Variants in ENPP2 observed in about 807,000 individuals in gnomAD.
The protein encoded by ENPP2 is autotaxin.
ENPP2 carries 51 observed loss-of-function variants against 120.2 expected under a neutral mutation model. That is an observed-to-expected ratio of 0.42 (90% CI 0.34 to 0.54). The LOEUF is 0.54. Among genes scored for constraint, ENPP2 ranks in the 20% least tolerant of loss-of-function variants. ENPP2 has a pLI of 0.04. For missense variants in ENPP2, 920 were observed against 1,066.5 expected (o/e 0.86, Z 1.91); for synonymous variants, 365 against 366.4 (o/e 1.00, Z 0.04).
At chr8:119,560,014 T>A (rs1275110456) in intron 24 of ENPP2, among the ~76,000 whole-genome samples, 1 of 152,160 alleles carries the variant, frequency 6.6e-6, no homozygotes, top group Non-Finnish European at 1.5e-5. Flanking sequence ...TTCAGTGGAT[T>A]TCATTTATCA....
chr8:119,577,805 G>A (rs1005177389), intron 19 of ENPP2, among the ~76,000 whole-genome samples: 1 of 152,136 alleles, frequency 6.6e-6, no homozygotes, highest in Non-Finnish European at 1.5e-5. Flanking sequence ...TTCAACAAAT[G>A]CTTGCTGAAT....
At chr8:119,565,429 A>C (rs1012711077) in intron 22 of ENPP2, among the ~76,000 whole-genome samples, 3 of 152,182 alleles carry the variant, frequency 2.0e-5, no homozygotes, top group Non-Finnish European at 4.4e-5. Context: ...CAGACATGTT[A>C]TCCAACCACC....
intron 2 of ENPP2, among the ~76,000 whole-genome samples, chr8:119,632,116 A>G (rs1401133740): frequency 6.6e-6 from 1 of 152,208 alleles, no homozygotes; most frequent in East Asian, 1.9e-4. Flanking sequence ...CCGATTTGTT[A>G]GAAGTCTGAG....
chr8:119,586,950 C>G (rs763200919), intron 14 of ENPP2, 94 bp downstream of exon 14: 33 of 1,025,048 alleles, frequency 3.2e-5, no homozygotes, highest in Non-Finnish European at 3.9e-5. Flanking sequence ...GTTCCTCCCA[C>G]CCCTCCCCGC....
At chr8:119,657,388 T>G (rs563621051) in intron 1 of ENPP2, among the ~76,000 whole-genome samples, 3 of 152,220 alleles carry the variant, frequency 2.0e-5, no homozygotes, top group South Asian at 4.1e-4. Flanking sequence ...GTTTGTTCTA[T>G]TGGAAATTCT....
chr8:119,663,743 C>T (rs1817991461), intron 1 of ENPP2, among the ~76,000 whole-genome samples: 1 of 152,176 alleles, frequency 6.6e-6, no homozygotes, highest in Non-Finnish European at 1.5e-5. Flanking sequence ...TCTGCACTCA[C>T]GGGTGCCAAG....
intron 15 of ENPP2, among the ~76,000 whole-genome samples, chr8:119,585,003 G>A (rs992710945): frequency 1.3e-5 from 2 of 152,152 alleles, no homozygotes; most frequent in African/African-American, 2.4e-5. Context: ...CAACATGCCT[G>A]GTTTTGGGCT....
intron 8 of ENPP2, among the ~76,000 whole-genome samples, chr8:119,611,727 T>C (rs1219936181): frequency 6.6e-6 from 1 of 151,966 alleles, no homozygotes; most frequent in East Asian, 1.9e-4. Context: ...ATAACCAACT[T>C]CAAAAGGAGG....
chr8:119,601,301 C>A, intron 10 of ENPP2, 96 bp downstream of exon 10: 1 of 844,988 alleles, frequency 1.2e-6, no homozygotes, highest in Admixed American at 2.2e-5. Context: ...TAATTCCAAA[C>A]ATTGGCTGTG....
At chr8:119,650,924 T>C (rs111328401) in intron 1 of ENPP2, among the ~76,000 whole-genome samples, 230 of 152,144 alleles carry the variant, frequency 1.5e-3, no homozygotes, top group African/African-American at 5.3e-3. Flanking sequence ...TGTGGGGCAG[T>C]TGTGAGAATT....
At position 119,638,456 on chromosome 8, in the gene ENPP2, T is replaced by A. The variant is rs1234629300; in HGVS notation, c.105A>T (p.Arg35Ser). The part of the protein sequence containing the change: ...CLGFTAHRIK[R>S]AEGWEEGPPT... ...GAGGACCTTCCTCCCATCCTTCTGC[T>A]CTCTTAATTCGATGTGCAGTGAATC... Residue 35 changes from arginine (R) to serine (S), a missense_variant, in exon 2 of 25, where the codon AGA becomes AGT. Coordinates refer to ENST00000075322, the MANE Select transcript of ENPP2 (RefSeq NM_001040092.3). 1 of 1,608,154 alleles carries A rather than the reference T, an allele frequency of 6.2e-7. No homozygotes were observed. The highest frequency in any genetic ancestry group is 8.5e-7 in the Non-Finnish European group (1 of 1,174,614).
chr8:119,612,726 CAA>C (rs1348838520), intron 8 of ENPP2, among the ~76,000 whole-genome samples: 2 of 152,044 alleles, frequency 1.3e-5, no homozygotes, highest in Non-Finnish European at 2.9e-5. Flanking sequence ...GTTGTCTCTA[CAA>C]AAGATACAAA....
intron 9 of ENPP2, among the ~76,000 whole-genome samples, chr8:119,605,138 C>T (rs1160912347): frequency 6.6e-6 from 1 of 152,090 alleles, no homozygotes; most frequent in Non-Finnish European, 1.5e-5. Flanking sequence ...GTGGTGCCAT[C>T]TCAGCTCACT....
At chr8:119,648,567 A>G (rs1399040957) in intron 1 of ENPP2, among the ~76,000 whole-genome samples, 1 of 152,216 alleles carries the variant, frequency 6.6e-6, no homozygotes, top group Non-Finnish European at 1.5e-5. Flanking sequence ...ATTCAAATCT[A>G]AAAGGAAGTT....
At chr8:119,594,307 A>T (rs2130481552) in intron 11 of ENPP2, among the ~76,000 whole-genome samples, 1 of 152,316 alleles carries the variant, frequency 6.6e-6, no homozygotes, top group African/African-American at 2.4e-5. Flanking sequence ...GTTGCACTGG[A>T]TAATAAATTA....
intron 9 of ENPP2, among the ~76,000 whole-genome samples, chr8:119,603,495 T>C (rs529555602): frequency 5.4e-4 from 83 of 152,316 alleles, no homozygotes; most frequent in African/African-American, 1.9e-3. Flanking sequence ...CTTGGGTTTG[T>C]ATCCTGACTC....
At chr8:119,630,810 A>T (rs1325170133) in intron 2 of ENPP2, among the ~76,000 whole-genome samples, 3 of 152,220 alleles carry the variant, frequency 2.0e-5, no homozygotes, top group Non-Finnish European at 4.4e-5. Flanking sequence ...GACAGGAAAG[A>T]AAAAGGGAAG....
intron 24 of ENPP2, among the ~76,000 whole-genome samples, chr8:119,562,334 T>C (rs1814030828): frequency 6.6e-6 from 1 of 151,774 alleles, no homozygotes; most frequent in Non-Finnish European, 1.5e-5. Context: ...TCCCAGCTAC[T>C]CGGGAGGCTG....
At chr8:119,619,354 A>G (rs1011714205) in intron 4 of ENPP2, 50 bp from the exon 5 acceptor site, 1 of 1,247,698 alleles carries the variant, frequency 8.0e-7, no homozygotes, top group Non-Finnish European at 1.2e-6. Context: ...TACAAATGCC[A>G]TGCCTTGAAG....
Sources: allele counts gnomAD v4.1 joint callset (sites outside exome capture counted in the v4.1 genomes callset), GRCh38; gene constraint gnomAD v4.1.1; transcripts MANE v1.5; gene names NCBI Gene and HGNC (gene_info 2026-07-23, HGNC 2026-07-21).